VWA2: variants seen among roughly 807,000 people sequenced by gnomAD.
VWA2 encodes the protein von Willebrand factor A domain containing 2.
Under a neutral mutation model 70.4 loss-of-function variants are expected in VWA2, and 73 were observed. The ratio of observed to expected loss-of-function variants is 1.04; its 90% CI spans 0.86 to 1.26. The LOEUF (loss-of-function observed/expected upper bound fraction) is 1.26. VWA2 is among the 50% of genes most tolerant of loss of function. The pLI is 0.00. For missense variants in VWA2, 1,011 were observed against 998.5 expected, an observed-to-expected ratio of 1.01 and a Z score of -0.17; for synonymous variants, 407 against 423.3, an observed-to-expected ratio of 0.96 and a Z score of 0.47.
At chr10:114,253,811 G>A (rs2037260242) in intron 3 of VWA2, 86 bp downstream of exon 3, 1 of 1,300,806 alleles carries the variant, frequency 7.7e-7, no homozygotes, top group Non-Finnish European at 1.1e-6. Flanking sequence ...CTTCCAGAGA[G>A]TTTCTGCCCC....
rs1420543169 is a variant in VWA2 at position 114,291,982 on chromosome 10, T to C, written c.*745T>C. ...AGTGTCCACCTGAAGGGTCTTCCTT[T>C]CAAAAGAGGCTGCGGCCAGAGACTG... On this transcript the variant is annotated 3_prime_UTR_variant, in exon 14 of 14. Transcript: ENST00000392982. Among the ~76,000 whole-genome samples the C allele has an allele frequency of 6.6e-6, 1 of 152,122 alleles. No homozygotes were observed. Among genetic ancestry groups the C allele is most frequent in the African/African-American group, 2.4e-5 (1 of 41,414 alleles).
At chr10:114,248,252 G>C (rs991815680) in intron 1 of VWA2, among the ~76,000 whole-genome samples, 55 of 152,284 alleles carry the variant, frequency 3.6e-4, no homozygotes, top group African/African-American at 1.2e-3. Context: ...ACATTAGAAG[G>C]TTTCAGAAGA....
chr10:114,293,177 A>C lies in VWA2; in HGVS notation c.*1940A>C, dbSNP rs183560971. Reference sequence around the variant, plus strand: ...ACCAGACATTGAGTCATAATCATCTATATTCAAGGGATACTTTCATTGATA... The same window carrying C: ...ACCAGACATTGAGTCATAATCATCTCTATTCAAGGGATACTTTCATTGATA... On this transcript the variant is annotated 3_prime_UTR_variant, in exon 14 of 14. Transcript: ENST00000392982. Among the ~76,000 whole-genome samples the C allele has an allele frequency of 1.1e-3, 175 of 152,360 alleles. No individual in the cohort carries two copies. The highest frequency in any genetic ancestry group is 3.3e-3 in the African/African-American group (139 of 41,580).
chr10:114,287,954 C>T (rs1012480448), intron 11 of VWA2, among the ~76,000 whole-genome samples: 12 of 152,170 alleles, frequency 7.9e-5, no homozygotes, highest in Non-Finnish European at 1.6e-4. Flanking sequence ...CCGCCTTCCC[C>T]GTAGCTGTGA....
intron 12 of VWA2, 180 bp downstream of exon 12, chr10:114,289,669 C>A: frequency 1.5e-6 from 1 of 657,492 alleles, no homozygotes; most frequent in Non-Finnish European, 2.6e-6. Flanking sequence ...CATAACCATC[C>A]TATTTGACAT....
At chr10:114,282,411 G>T in intron 8 of VWA2, 105 bp from the exon 9 acceptor site, 1 of 899,094 alleles carries the variant, frequency 1.1e-6, no homozygotes, top group Admixed American at 1.8e-5. Flanking sequence ...TCTTACTTCT[G>T]CATTGGAATC....
intron 1 of VWA2, chr10:114,246,752 C>G: frequency 7.0e-7 from 1 of 1,436,312 alleles, no homozygotes; most frequent in African/African-American, 1.4e-5. Flanking sequence ...TGAACCAGGG[C>G]TGCTGTATAA....
intron 3 of VWA2, 104 bp downstream of exon 3, chr10:114,253,829 T>A: frequency 1.8e-6 from 2 of 1,122,592 alleles, no homozygotes. Flanking sequence ...CCCTTTCCCA[T>A]CTTCCTTTCA....
Position 114,291,286 on chromosome 10 carries a change from A to G in VWA2, c.*49A>G. On this transcript the variant is annotated 3_prime_UTR_variant, in exon 14 of 14. Transcript: ENST00000392982. ...GGCAGCAGCCGTACCCCTCCCAGCA[A>G]CTACAGAGAAGGCCTGGGCACTGAA... is the stretch of plus-strand genomic sequence containing the variant. The G allele has an allele frequency of 6.5e-7, 1 of 1,535,906 alleles. No individual in the cohort carries two copies. The highest frequency in any genetic ancestry group is 8.8e-7 in the Non-Finnish European group (1 of 1,139,860).
At chr10:114,275,753 C>A (rs2133370894) in intron 6 of VWA2, among the ~76,000 whole-genome samples, 1 of 152,066 alleles carries the variant, frequency 6.6e-6, no homozygotes, top group East Asian at 1.9e-4. Flanking sequence ...CAGGATGAAA[C>A]CCTATCTCTA....
intron 10 of VWA2, among the ~76,000 whole-genome samples, chr10:114,285,544 T>C (rs1322195810): frequency 6.6e-6 from 1 of 152,236 alleles, no homozygotes; most frequent in Admixed American, 6.5e-5. Context: ...CTCACAACCC[T>C]ACCAGAAGTC....
chr10:114,287,004 C>T lies in VWA2; in HGVS notation c.1570+493C>T, dbSNP rs139765125. On this transcript the variant is annotated intron_variant, in intron 11 of 13. Transcript: ENST00000392982. ...TGCAGCCACACACAACTGAAACAAACGCTTCCTGAGAGGATACTTACCCTG... is the reference window on the plus strand; with the variant it reads ...TGCAGCCACACACAACTGAAACAAATGCTTCCTGAGAGGATACTTACCCTG... 4.7e-3 allele frequency among the ~76,000 whole-genome samples: 717 copies of T among 152,246 alleles called. 5 individuals are homozygous for T. Among genetic ancestry groups the T allele is most frequent in the African/African-American group, 0.016 (671 of 41,542 alleles).
chr10:114,289,453 T>A lies in VWA2; in HGVS notation c.2086T>A (p.Tyr696Asn). 1.2e-6 allele frequency: 2 copies of A among 1,614,168 alleles called. No homozygotes were observed. Among genetic ancestry groups the A allele is most frequent in the Middle Eastern group, 3.3e-4 (2 of 6,062 alleles). Reference protein sequence around the residue: ...IHVAAYADLRYHQDVLIEWLC... With the variant: ...IHVAAYADLRNHQDVLIEWLC... ...CGTGGCAGCTTACGCCGACCTGCGG[T>A]ACCACCAGGACGTGCTCATTGAGTG... Residue 696 changes from tyrosine (Y) to asparagine (N), a missense_variant, in exon 12 of 14, where the codon TAC becomes AAC. Physicochemically the swap from Tyr to Asn is moderately radical, Grantham distance 143 (BLOSUM62 -2). Coordinates refer to ENST00000392982, the MANE Select transcript of VWA2 (RefSeq NM_001272046.2).
At position 114,282,017 on chromosome 10, in the gene VWA2, C is replaced by CTTTTTTTTTTTTTTTTTT. The variant is rs144974085; in HGVS notation, c.834-489_834-488insTTTTTTTTTTTTTTTTTT. Reference sequence around the variant, plus strand: ...AAATGTGATAGCCAGCTTATGTTACCTTTTTTTTTTGAGATGGAGTCTTAC... The same window carrying CTTTTTTTTTTTTTTTTTT: ...AAATGTGATAGCCAGCTTATGTTACCTTTTTTTTTTTTTTTTTTTTTTTTTTTTGAGATGGAGTCTTAC... On this transcript the variant is annotated intron_variant, in intron 8 of 13. Transcript: ENST00000392982. Among the ~76,000 whole-genome samples, 253 of 119,618 alleles carry CTTTTTTTTTTTTTTTTTT rather than the reference C, an allele frequency of 2.1e-3. 17 individuals carry two copies. The highest frequency in any genetic ancestry group is 7.3e-3 in the African/African-American group (229 of 31,320). The allele number at this position is 119,618 out of a possible 152,430, so 78.5% of individuals were successfully genotyped here. A position where few individuals can be genotyped will look rare whatever the true frequency, so the allele number is the denominator to read the frequency against.
chr10:114,278,899 C>A (rs760968004), intron 8 of VWA2, 48 bp downstream of exon 8: 1 of 1,607,424 alleles, frequency 6.2e-7, no homozygotes, highest in Non-Finnish European at 8.5e-7. Flanking sequence ...TGAAGGCCCC[C>A]ACCCCTGAGC....
At chr10:114,241,488 G>T (rs904606913) in intron 1 of VWA2, among the ~76,000 whole-genome samples, 1 of 151,630 alleles carries the variant, frequency 6.6e-6, no homozygotes, top group Non-Finnish European at 1.5e-5. Context: ...GGTGTCTTTC[G>T]CTCGGTAATA....
chr10:114,246,854 C>T, intron 1 of VWA2: 1 of 714,334 alleles, frequency 1.4e-6, no homozygotes. Context: ...TACTGAGCAC[C>T]TGGCAATGCC....
At position 114,261,177 on chromosome 10, in the gene VWA2, C is replaced by G. The variant is rs79184835; in HGVS notation, c.262-9C>G. The G allele has an allele frequency of 8.7e-4, 1,391 of 1,606,462 alleles. 11 individuals are homozygous for G. The African/African-American group carries it at 0.017, about 20-fold the overall frequency. ...CTCGGGGCCCTGAGCCCCCTGTCTC[C>G]TACTGCAGGTCAGAGTGGGAGCATT... is the stretch of plus-strand genomic sequence containing the variant. On this transcript the variant is annotated splice_polypyrimidine_tract_variant and intron_variant, in intron 4 of 13. Coordinates refer to ENST00000392982, the MANE Select transcript of VWA2 (RefSeq NM_001272046.2).
In VWA2 at chr10:114,251,519, T is replaced by C; in HGVS notation, c.53-2132T>C. ...GCTGGAGAGTTTGCTGGTAAGATAT[T>C]TTAAAAGAAACTGTATTTTTCTGTT... is the stretch of plus-strand genomic sequence containing the variant. On this transcript the variant is annotated intron_variant, in intron 2 of 13. Coordinates refer to ENST00000392982, the MANE Select transcript of VWA2 (RefSeq NM_001272046.2). Among the ~76,000 whole-genome samples the C allele has an allele frequency of 1.3e-5, 2 of 152,224 alleles. 1 individual carries two copies. The highest frequency in any genetic ancestry group is 4.1e-4 in the South Asian group (2 of 4,836).
Sources: gnomAD v4.1 joint callset for allele counts (sites outside exome capture counted in the v4.1 genomes callset) on GRCh38, gnomAD v4.1.1 for gene constraint, MANE v1.5 for transcripts, NCBI Gene and HGNC (gene_info 2026-07-23, HGNC 2026-07-21) for gene names.